CACNB4: variants seen among roughly 807,000 people sequenced by gnomAD.
CACNB4 encodes the protein voltage-dependent L-type calcium channel subunit beta-4.
CACNB4 carries 32 observed loss-of-function variants against 71.2 expected under a neutral mutation model. The observed-to-expected ratio is 0.45, with a 90% CI of 0.34 to 0.60. The LOEUF is 0.60. Ranked by LOEUF, CACNB4 falls within the 20% of genes least tolerant of loss-of-function variation. The pLI, the probability that CACNB4 is intolerant of heterozygous loss-of-function variation, is 0.01. For missense variants in CACNB4, 464 were observed against 647.9 expected (o/e 0.72, Z 3.08); for synonymous variants, 231 against 236.9 (o/e 0.97, Z 0.23).
At chr2:152,025,016 A>T (rs987588346) in intron 2 of CACNB4, among the ~76,000 whole-genome samples, 8 of 152,178 alleles carry the variant, frequency 5.3e-5, no homozygotes, top group African/African-American at 1.9e-4. Flanking sequence ...AGATCACACC[A>T]CTGTACTCCA....
chr2:152,028,587 G>A (rs887676907), intron 2 of CACNB4, among the ~76,000 whole-genome samples: 1 of 152,118 alleles, frequency 6.6e-6, no homozygotes, highest in African/African-American at 2.4e-5. Context: ...TTGTCTTTCT[G>A]CGAAAGAAGA....
chr2:151,893,721 A>G (rs1323895497), intron 2 of CACNB4, among the ~76,000 whole-genome samples: 1 of 152,198 alleles, frequency 6.6e-6, no homozygotes, highest in Admixed American at 6.5e-5. Flanking sequence ...TGAAAAGAAA[A>G]GATTGATAAA....
intron 2 of CACNB4, among the ~76,000 whole-genome samples, chr2:152,063,332 A>T (rs76474002): frequency 0.045 from 6,847 of 152,274 alleles, 495 homozygotes; most frequent in African/African-American, 0.16. Flanking sequence ...GTGCCAAGCA[A>T]TGTTATTAGC....
At chr2:152,089,406 C>T (rs1687846057) in intron 2 of CACNB4, among the ~76,000 whole-genome samples, 1 of 152,046 alleles carries the variant, frequency 6.6e-6, no homozygotes. Flanking sequence ...CCATAGCCCA[C>T]AAAGGAAATA....
intron 2 of CACNB4, among the ~76,000 whole-genome samples, chr2:152,074,676 CTATCAT>C (rs140737883): frequency 0.068 from 5,823 of 85,186 alleles, 1,373 homozygotes; most frequent in Middle Eastern, 0.15. Flanking sequence ...ATTACCACCT[CTATCAT>C]CACCATCACC....
chr2:151,982,404 C>T (rs556745973), intron 2 of CACNB4, among the ~76,000 whole-genome samples: 25 of 152,050 alleles, frequency 1.6e-4, no homozygotes, highest in Non-Finnish European at 2.5e-4. Context: ...GAGGCCAAGG[C>T]GGGCAGATCA....
intron 2 of CACNB4, among the ~76,000 whole-genome samples, chr2:151,994,355 G>A (rs2151767354): frequency 6.6e-6 from 1 of 150,858 alleles, no homozygotes; most frequent in East Asian, 2.0e-4. Context: ...TTAAAGGCGT[G>A]TGCCACCACA....
intron 2 of CACNB4, among the ~76,000 whole-genome samples, chr2:151,958,867 C>A (rs897568860): frequency 6.6e-6 from 1 of 152,212 alleles, no homozygotes; most frequent in Admixed American, 6.5e-5. Context: ...CAAATAATTT[C>A]TCTCACAGTA....
In CACNB4 at chr2:152,098,816, G is replaced by C; in HGVS notation, c.63+133C>G. On this transcript the variant is annotated intron_variant, in intron 1 of 13. Coordinates refer to ENST00000539935, the MANE Select transcript of CACNB4 (RefSeq NM_000726.5). The surrounding 1 kb of genome is among the most constrained non-coding windows in gnomAD (Gnocchi z 5.3). ...GAGAAAGGGACGTGGAGGAGGGGTG[G>C]GGGGAGCGGGGCCGCCGACTCCCGG... 1 of 994,286 alleles carries C rather than the reference G, an allele frequency of 1.0e-6. No homozygotes were observed. The allele number at this position is 994,286 out of a possible 1,614,324, so 61.6% of individuals were successfully genotyped here. A position where few individuals can be genotyped will look rare whatever the true frequency, so the allele number is the denominator to read the frequency against.
intron 2 of CACNB4, among the ~76,000 whole-genome samples, chr2:151,929,418 T>A (rs1560014279): frequency 6.6e-6 from 1 of 152,178 alleles, no homozygotes; most frequent in African/African-American, 2.4e-5. Context: ...ACCTCATTTT[T>A]AAAAAACTCT....
chr2:151,847,578 C>G (rs1370168682), intron 12 of CACNB4, among the ~76,000 whole-genome samples: 2 of 152,236 alleles, frequency 1.3e-5, no homozygotes, highest in Admixed American at 6.5e-5. Flanking sequence ...AAATTAGACT[C>G]TAAGTTGAAG....
rs1334915543 is a variant in CACNB4 at position 151,836,021 on chromosome 2, A to T, written c.*3098T>A. ...TCTCCAATAGAACTGTATAAAGATA[A>T]GAGAGAATCATCATTTATAAACATT... is the stretch of plus-strand genomic sequence containing the variant. On this transcript the variant is annotated 3_prime_UTR_variant, in exon 14 of 14. Transcript: ENST00000539935. 2 of 151,928 alleles carry T rather than the reference A, an allele frequency of 1.3e-5. No homozygotes were observed. The highest frequency in any genetic ancestry group is 2.4e-5 in the African/African-American group (1 of 41,444). 9.4% of individuals were successfully genotyped at this position (151,928 alleles called of 1,614,324 possible). A position where few individuals can be genotyped will look rare whatever the true frequency, so the allele number is the denominator to read the frequency against.
At chr2:152,059,790 T>G (rs1685913409) in intron 2 of CACNB4, among the ~76,000 whole-genome samples, 1 of 152,202 alleles carries the variant, frequency 6.6e-6, no homozygotes, top group Non-Finnish European at 1.5e-5. Flanking sequence ...AATGATATGG[T>G]TTGGCTCTGT....
intron 2 of CACNB4, among the ~76,000 whole-genome samples, chr2:152,066,369 T>A (rs1686324412): frequency 6.6e-6 from 1 of 152,152 alleles, no homozygotes; most frequent in African/African-American, 2.4e-5. Context: ...AAGACATTTA[T>A]GCAGCCAAAA....
chr2:152,032,937 G>A (rs1579168568), intron 2 of CACNB4, among the ~76,000 whole-genome samples: 1 of 149,252 alleles, frequency 6.7e-6, no homozygotes, highest in East Asian at 1.9e-4. Context: ...CCGGGCAATA[G>A]AGCAAGACCC....
chr2:151,881,249 T>C (rs1172387506), intron 3 of CACNB4, among the ~76,000 whole-genome samples: 3 of 151,770 alleles, frequency 2.0e-5, no homozygotes, highest in Non-Finnish European at 2.9e-5. Context: ...TTTTAAATGA[T>C]AACCAATAGC....
intron 2 of CACNB4, among the ~76,000 whole-genome samples, chr2:151,893,526 G>A (rs2099851255): frequency 6.6e-6 from 1 of 152,124 alleles, no homozygotes; most frequent in African/African-American, 2.4e-5. Flanking sequence ...ACAGGCATGA[G>A]CCATCGCACT....
At chr2:152,016,330 G>T (rs1221651928) in intron 2 of CACNB4, among the ~76,000 whole-genome samples, 1 of 152,178 alleles carries the variant, frequency 6.6e-6, no homozygotes, top group Non-Finnish European at 1.5e-5. Context: ...AATGAAACTT[G>T]CTTTTTCTAC....
rs143442080 is a variant in CACNB4, at chr2:151,839,382, A to G, written c.1303-3T>C. 2.8e-3 allele frequency: 4,508 copies of G among 1,600,440 alleles called. 26 individuals carry two copies. Among genetic ancestry groups the G allele is most frequent in the Middle Eastern group, 0.026 (158 of 6,024 alleles). On this transcript the variant is annotated splice_polypyrimidine_tract_variant and splice_region_variant and intron_variant, in intron 13 of 13. Transcript: ENST00000539935. ...TTGCTGTGCCTCATTCGCTGACTCTAAAAATATCAGATAGTTCATTGATTA... is the reference window on the plus strand; with the variant it reads ...TTGCTGTGCCTCATTCGCTGACTCTGAAAATATCAGATAGTTCATTGATTA...
Sources: gnomAD v4.1 joint callset for allele counts (sites outside exome capture counted in the v4.1 genomes callset) on GRCh38, gnomAD v4.1.1 for gene constraint, Gnocchi (gnomAD v3.1) non-coding constraint, MANE v1.5 for transcripts, NCBI Gene and HGNC (gene_info 2026-07-23, HGNC 2026-07-21) for gene names.